The following RUNDC3B variants were observed in gnomAD, a reference collection of about 807,000 sequenced individuals.
The protein encoded by RUNDC3B is RUN domain containing 3B.
In RUNDC3B, 33 loss-of-function variants were observed where a neutral mutation model predicts 58.4. The observed-to-expected ratio is 0.56, with a 90% CI of 0.43 to 0.75. The LOEUF (loss-of-function observed/expected upper bound fraction) is 0.75, where lower values mean the gene tolerates loss of function less well. RUNDC3B is among the 30% of genes least tolerant of loss of function. The probability of loss-of-function intolerance (pLI) is 0.00; values close to 1 mark genes in which losing one functional copy is unlikely to be tolerated. For synonymous variants in RUNDC3B, 193 were observed against 195.2 expected (o/e 0.99, Z 0.10); for missense variants, 501 against 535.7 (o/e 0.94, Z 0.64).
At chr7:87,664,875 T>C (rs1825074803) in intron 2 of RUNDC3B, among the ~76,000 whole-genome samples, 1 of 152,144 alleles carries the variant, frequency 6.6e-6, no homozygotes, top group African/African-American at 2.4e-5. Context: ...TCAAGAAGCT[T>C]AGCAAAGCAT....
chr7:87,690,787 A>T (rs1442702054), intron 2 of RUNDC3B, among the ~76,000 whole-genome samples: 1 of 152,190 alleles, frequency 6.6e-6, no homozygotes, highest in African/African-American at 2.4e-5. Context: ...CTGAATTATT[A>T]TCTGATCACT....
chr7:87,788,150 C>T (rs1022444707), intron 8 of RUNDC3B, among the ~76,000 whole-genome samples: 1 of 152,186 alleles, frequency 6.6e-6, no homozygotes, highest in Non-Finnish European at 1.5e-5. Context: ...GGGCCAAGCA[C>T]AGTGGCTCAT....
intron 4 of RUNDC3B, among the ~76,000 whole-genome samples, chr7:87,737,460 G>C (rs753042460): frequency 6.6e-6 from 1 of 151,960 alleles, no homozygotes; most frequent in Non-Finnish European, 1.5e-5. Context: ...ATATTAGTTT[G>C]CATAAGAGAA....
At chr7:87,795,318 G>T (rs1229229124) in intron 8 of RUNDC3B, among the ~76,000 whole-genome samples, 3 of 152,166 alleles carry the variant, frequency 2.0e-5, no homozygotes, top group Non-Finnish European at 4.4e-5. Flanking sequence ...GTGGGCAAAA[G>T]ATTTGAATTG....
Position 87,815,633 on chromosome 7 carries a change from C to A in RUNDC3B, c.1104-508C>A, listed in dbSNP as rs192521896. On this transcript the variant is annotated intron_variant, in intron 9 of 10. Transcript: ENST00000394654. The stretch of plus-strand genomic sequence containing the variant: ...TACAAACAGGTATTTTATTACCCAG[C>A]AGTTTTTAAACTTCTTAATTACAGG... Among the ~76,000 whole-genome samples the A allele has an allele frequency of 4.8e-3, 730 of 152,010 alleles. 4 individuals carry two copies. Among genetic ancestry groups the A allele is most frequent in the African/African-American group, 0.017 (691 of 41,484 alleles).
intron 6 of RUNDC3B, among the ~76,000 whole-genome samples, chr7:87,761,184 C>A (rs1833659449): frequency 6.6e-6 from 1 of 151,960 alleles, no homozygotes; most frequent in East Asian, 1.9e-4. Context: ...ATAAACATTT[C>A]TCCAAGGAAG....
chr7:87,772,249 T>G (rs980255746), intron 7 of RUNDC3B, among the ~76,000 whole-genome samples: 4 of 152,132 alleles, frequency 2.6e-5, no homozygotes, highest in African/African-American at 9.7e-5. Context: ...GTTTAACAAC[T>G]GACTTAAATT....
At chr7:87,828,186 T>C (rs1465435689) in intron 10 of RUNDC3B, among the ~76,000 whole-genome samples, 1 of 152,174 alleles carries the variant, frequency 6.6e-6, no homozygotes, top group East Asian at 1.9e-4. Flanking sequence ...TTTAAAATTA[T>C]TATGTTCAGT....
intron 8 of RUNDC3B, among the ~76,000 whole-genome samples, chr7:87,791,090 A>T (rs1835498057): frequency 6.6e-6 from 1 of 152,184 alleles, no homozygotes; most frequent in East Asian, 1.9e-4. Flanking sequence ...AAGCAGCAAG[A>T]GAAAAGGAAC....
chr7:87,698,805 G>T (rs28381729), intron 2 of RUNDC3B, among the ~76,000 whole-genome samples: 1 of 152,298 alleles, frequency 6.6e-6, no homozygotes, highest in African/African-American at 2.4e-5. Context: ...GGAGAAGTAA[G>T]CACAGGGTCC....
intron 2 of RUNDC3B, among the ~76,000 whole-genome samples, chr7:87,678,580 A>G (rs1299632134): frequency 6.6e-6 from 1 of 152,224 alleles, no homozygotes; most frequent in Non-Finnish European, 1.5e-5. Flanking sequence ...ATAAAATGGT[A>G]GACCTAAATC....
intron 4 of RUNDC3B, among the ~76,000 whole-genome samples, chr7:87,713,641 T>C (rs1466665423): frequency 7.2e-6 from 1 of 139,684 alleles, no homozygotes; most frequent in Non-Finnish European, 1.5e-5. Context: ...GATTAGAATC[T>C]AAGCTAAAAA....
chr7:87,724,543 G>T (rs1831099518), intron 4 of RUNDC3B, among the ~76,000 whole-genome samples: 1 of 151,876 alleles, frequency 6.6e-6, no homozygotes, highest in African/African-American at 2.4e-5. Context: ...ATAATCACTT[G>T]TGATTTAAAT....
At chr7:87,742,493 A>G (rs1832382496) in intron 6 of RUNDC3B, among the ~76,000 whole-genome samples, 3 of 152,134 alleles carry the variant, frequency 2.0e-5, no homozygotes, top group South Asian at 2.1e-4. Flanking sequence ...ACTTAGAATA[A>G]TAGTCTCCAA....
chr7:87,763,300 G>A (rs560117509), intron 6 of RUNDC3B, among the ~76,000 whole-genome samples: 4 of 151,604 alleles, frequency 2.6e-5, no homozygotes, highest in Non-Finnish European at 4.4e-5. Flanking sequence ...AGGCATAATT[G>A]TTACTGTTTT....
chr7:87,650,599 C>T (rs535028868), intron 1 of RUNDC3B, among the ~76,000 whole-genome samples: 2 of 152,100 alleles, frequency 1.3e-5, no homozygotes, highest in Non-Finnish European at 2.9e-5. Context: ...TGGGAGTACA[C>T]AAACATTCTG....
chr7:87,780,331 G>A (rs778889320), intron 8 of RUNDC3B, among the ~76,000 whole-genome samples: 6 of 151,828 alleles, frequency 4.0e-5, no homozygotes, highest in Non-Finnish European at 8.8e-5. Context: ...ACTGGTGTCA[G>A]AATGGTTTTG....
chr7:87,740,025 GT>G (rs1832221937), intron 5 of RUNDC3B, 145 bp downstream of exon 5: 2 of 427,112 alleles, frequency 4.7e-6, no homozygotes, highest in Non-Finnish European at 8.3e-6. Context: ...AATGACATCA[GT>G]TTGTTTTCTA....
intron 2 of RUNDC3B, among the ~76,000 whole-genome samples, chr7:87,698,733 T>C (rs985417440): frequency 6.6e-6 from 1 of 152,174 alleles, no homozygotes; most frequent in Non-Finnish European, 1.5e-5. Flanking sequence ...TAAGACAAAA[T>C]TCCTGCCTTA....
Sources: allele counts gnomAD v4.1 joint callset (sites outside exome capture counted in the v4.1 genomes callset), GRCh38; gene constraint gnomAD v4.1.1; transcripts MANE v1.5; gene names NCBI Gene and HGNC (gene_info 2026-07-23, HGNC 2026-07-21).